The following CCDC178 variants were observed in gnomAD, a reference collection of about 807,000 sequenced individuals.
CCDC178 encodes coiled-coil domain containing 178, also known as coiled-coil domain-containing protein 178.
In CCDC178, 126 loss-of-function variants were observed where a neutral mutation model predicts 117.4. The observed-to-expected ratio is 1.07, with a 90% CI of 0.93 to 1.24. The LOEUF (loss-of-function observed/expected upper bound fraction) is 1.24, where lower values mean the gene tolerates loss of function less well. Ranked by LOEUF, CCDC178 falls within the 50% of genes most tolerant of loss-of-function variation. The probability of loss-of-function intolerance (pLI) is 0.00; values close to 1 mark genes in which losing one functional copy is unlikely to be tolerated. For missense variants in CCDC178, 1,030 were observed against 986.9 expected, an observed-to-expected ratio of 1.04 and a Z score of -0.59; for synonymous variants, 283 against 313.4, an observed-to-expected ratio of 0.90 and a Z score of 1.02.
chr18:33,155,372 A>C (rs1568022258), intron 20 of CCDC178, among the ~76,000 whole-genome samples: 1 of 152,286 alleles, frequency 6.6e-6, no homozygotes, highest in East Asian at 1.9e-4. Context: ...ATGCTTAGAT[A>C]ATACCTTATA....
At chr18:32,987,354 A>C (rs2055284531) in intron 21 of CCDC178, among the ~76,000 whole-genome samples, 1 of 152,092 alleles carries the variant, frequency 6.6e-6, no homozygotes, top group Non-Finnish European at 1.5e-5. Flanking sequence ...TATAGTAGGC[A>C]AAAGAGACCT....
rs1260521285 is a variant in CCDC178 at position 33,275,783 on chromosome 18, G to A, written c.1177-8486C>T. ...ACCCAGAGTTTTTTCTGCCAGCTTT[G>A]CAAATTCATTGGTTTCTAAATTTTT... On this transcript the variant is annotated intron_variant, in intron 12 of 22. Transcript: ENST00000383096. Among the ~76,000 whole-genome samples the A allele has an allele frequency of 2.6e-5, 4 of 151,396 alleles. No homozygotes were observed. The East Asian group carries it at 7.8e-4, about 30-fold the overall frequency.
At chr18:32,988,872 A>G (rs1438432013) in intron 21 of CCDC178, among the ~76,000 whole-genome samples, 2 of 152,120 alleles carry the variant, frequency 1.3e-5, no homozygotes, top group African/African-American at 4.8e-5. Flanking sequence ...TTAAAATGAA[A>G]TGAAATAGAC....
intron 22 of CCDC178, among the ~76,000 whole-genome samples, chr18:32,943,363 G>A (rs548199393): frequency 8.5e-5 from 13 of 152,224 alleles, no homozygotes; most frequent in African/African-American, 2.4e-4. Flanking sequence ...ATCATGCTCC[G>A]TGATCTTGCT....
At chr18:33,310,685 G>GA (rs1351064640) in intron 11 of CCDC178, among the ~76,000 whole-genome samples, 6 of 151,798 alleles carry the variant, frequency 4.0e-5, no homozygotes, top group Admixed American at 6.6e-5. Context: ...GACCCCCTCT[G>GA]AAAAAAATAA....
At chr18:33,121,688 G>A (rs950165558) in intron 20 of CCDC178, among the ~76,000 whole-genome samples, 32 of 152,138 alleles carry the variant, frequency 2.1e-4, no homozygotes, top group African/African-American at 7.5e-4. Flanking sequence ...TAAAAGCATC[G>A]TAATCTCGTA....
intron 20 of CCDC178, among the ~76,000 whole-genome samples, chr18:33,113,575 C>T (rs156186): frequency 0.16 from 24,305 of 151,782 alleles, 2,719 homozygotes; most frequent in African/African-American, 0.32. Flanking sequence ...TGGAAGAGCA[C>T]CTGCAATTAC....
chr18:33,267,087 G>A (rs1248601843), intron 13 of CCDC178, 35 bp from the exon 14 acceptor site: 1 of 1,554,762 alleles, frequency 6.4e-7, no homozygotes, highest in East Asian at 2.3e-5. Context: ...ATTCATACAT[G>A]TCTAATTATC....
At chr18:33,421,808 T>C (rs909041017) in intron 2 of CCDC178, among the ~76,000 whole-genome samples, 2 of 152,088 alleles carry the variant, frequency 1.3e-5, no homozygotes, top group African/African-American at 2.4e-5. Flanking sequence ...TGAGAATGAA[T>C]AGAGTCATAA....
In CCDC178 at chr18:33,234,828, C is replaced by T. The variant is rs79225696; in HGVS notation, c.1594-7973G>A. Among the ~76,000 whole-genome samples the T allele has an allele frequency of 7.0e-3, 1,069 of 151,970 alleles. 15 individuals carry two copies. Among genetic ancestry groups the T allele is most frequent in the African/African-American group, 0.024 (991 of 41,446 alleles). The stretch of plus-strand genomic sequence containing the variant: ...GGACAAGAGTAATATGCTCCAGATT[C>T]GACATGCTATAAGGCATAAATCCTT... On this transcript the variant is annotated intron_variant, in intron 15 of 22. Coordinates refer to ENST00000383096, the MANE Select transcript of CCDC178 (RefSeq NM_001105528.4).
intron 21 of CCDC178, among the ~76,000 whole-genome samples, chr18:32,987,996 G>C (rs2055299540): frequency 6.6e-6 from 1 of 151,766 alleles, no homozygotes; most frequent in Admixed American, 6.6e-5. Flanking sequence ...AGAATCGCTT[G>C]AACCTGGGAG....
At chr18:33,368,998 T>C (rs963694568) in intron 6 of CCDC178, among the ~76,000 whole-genome samples, 3 of 151,962 alleles carry the variant, frequency 2.0e-5, no homozygotes, top group East Asian at 1.9e-4. Context: ...ATAGGAAGTA[T>C]ATAGCATATC....
intron 21 of CCDC178, among the ~76,000 whole-genome samples, chr18:33,086,989 CA>C (rs2057388922): frequency 6.6e-6 from 1 of 150,388 alleles, no homozygotes. Flanking sequence ...CACACACACA[CA>C]CACACACACA....
At position 33,074,355 on chromosome 18, in the gene CCDC178, C is replaced by T. The variant is rs149570526; in HGVS notation, c.2388+18406G>A. ...GCCCTGTTCCAATCACTGCTTCCTA[C>T]CAAGGGTAACTACTCCCGCGACTTC... On this transcript the variant is annotated intron_variant, in intron 21 of 22. Transcript: ENST00000383096. Among the ~76,000 whole-genome samples the T allele has an allele frequency of 1.1e-3, 173 of 152,196 alleles. 1 individual carries two copies. The highest frequency in any genetic ancestry group is 1.9e-3 in the Non-Finnish European group (127 of 68,012).
chr18:33,231,628 G>A (rs2059369512), intron 15 of CCDC178, among the ~76,000 whole-genome samples: 2 of 152,268 alleles, frequency 1.3e-5, no homozygotes, highest in South Asian at 4.1e-4. Context: ...CAGGGGACAG[G>A]CAGGCAGAGC....
intron 5 of CCDC178, among the ~76,000 whole-genome samples, chr18:33,380,244 G>C (rs1021148208): frequency 1.3e-5 from 2 of 152,198 alleles, no homozygotes; most frequent in African/African-American, 4.8e-5. Context: ...TGTGATGAGG[G>C]AGAATACAAT....
At chr18:33,019,229 T>C (rs1363733950) in intron 21 of CCDC178, among the ~76,000 whole-genome samples, 3 of 152,186 alleles carry the variant, frequency 2.0e-5, no homozygotes, top group African/African-American at 7.2e-5. Context: ...AAATCCAATG[T>C]TGGCAGAAGG....
intron 21 of CCDC178, among the ~76,000 whole-genome samples, chr18:33,048,182 T>C (rs1309128288): frequency 6.6e-6 from 1 of 152,172 alleles, no homozygotes; most frequent in East Asian, 1.9e-4. Flanking sequence ...CTCTCTAGCA[T>C]CTTCAGAGGG....
chr18:33,317,829 TAA>T lies in CCDC178; in HGVS notation c.1022+5660_1022+5661del, dbSNP rs371697809. ...CTTTAAGAAACAGAACACCTGTGAT[TAA>T]AAAAAAAGTTTCCTTTGTAACCAGA... On this transcript the variant is annotated intron_variant, in intron 11 of 22. Coordinates refer to ENST00000383096, the MANE Select transcript of CCDC178 (RefSeq NM_001105528.4). Among the ~76,000 whole-genome samples, 30 of 151,456 alleles carry T rather than the reference TAA, an allele frequency of 2.0e-4. No homozygotes were observed. In the East Asian group the frequency reaches 4.5e-3, roughly 23 times the overall value.
Sources: allele counts gnomAD v4.1 joint callset (sites outside exome capture counted in the v4.1 genomes callset), GRCh38; gene constraint gnomAD v4.1.1; transcripts MANE v1.5; gene names NCBI Gene and HGNC (gene_info 2026-07-23, HGNC 2026-07-21).